Variants in USH2A observed in about 807,000 individuals in gnomAD.
The protein encoded by USH2A is usherin.
Under a neutral mutation model 538.9 loss-of-function variants are expected in USH2A, and 443 were observed. The observed-to-expected ratio is 0.82, with a 90% CI of 0.76 to 0.89. USH2A has a LOEUF of 0.89. USH2A is among the 40% of genes least tolerant of loss of function. The probability of loss-of-function intolerance (pLI) is 0.00; values close to 1 mark genes in which losing one functional copy is unlikely to be tolerated. For synonymous variants in USH2A, 2,413 were observed against 2,273.5 expected (o/e 1.06, Z -1.75); for missense variants, 6,633 against 6,324.8 (o/e 1.05, Z -1.65).
chr1:215,865,565 G>C lies in USH2A; in HGVS notation c.8845+1442C>G, dbSNP rs147454541. ...ATCAGTTAGTGAGGTGGAGTAGAGA[G>C]CAAGAGGGAGATGAATGGAAATATG... On this transcript the variant is annotated intron_variant, in intron 44 of 71. Coordinates refer to ENST00000307340, the MANE Select transcript of USH2A (RefSeq NM_206933.4). 2.9e-3 allele frequency among the ~76,000 whole-genome samples: 434 copies of C among 152,270 alleles called. 3 individuals are homozygous for C. The highest frequency in any genetic ancestry group is 9.9e-3 in the African/African-American group (411 of 41,558).
chr1:215,947,102 TG>T (rs1376843769), intron 37 of USH2A, among the ~76,000 whole-genome samples: 1 of 151,798 alleles, frequency 6.6e-6, no homozygotes, highest in African/African-American at 2.4e-5. Flanking sequence ...AGTGCAGTGG[TG>T]TGATCTTGGC....
chr1:216,407,311 T>G (rs1439119235), intron 3 of USH2A, among the ~76,000 whole-genome samples: 1 of 152,174 alleles, frequency 6.6e-6, no homozygotes, highest in East Asian at 1.9e-4. Flanking sequence ...TATATATACA[T>G]ATTTGTAAAT....
chr1:215,959,933 G>T (rs17025758), intron 37 of USH2A, among the ~76,000 whole-genome samples: 1 of 151,958 alleles, frequency 6.6e-6, no homozygotes, highest in Non-Finnish European at 1.5e-5. Flanking sequence ...GGATAATGAA[G>T]AATTAAACAA....
intron 47 of USH2A, among the ~76,000 whole-genome samples, chr1:215,823,648 C>T (rs900765478): frequency 2.6e-5 from 4 of 151,904 alleles, no homozygotes; most frequent in African/African-American, 7.2e-5. Context: ...TCTTGTTTAC[C>T]TTCCTCTTGA....
At chr1:216,241,756 A>C (rs1572083583) in intron 13 of USH2A, among the ~76,000 whole-genome samples, 1 of 150,546 alleles carries the variant, frequency 6.6e-6, no homozygotes, top group African/African-American at 2.4e-5. Flanking sequence ...CTGGTCTCAA[A>C]CTCTTGACCT....
At chr1:215,810,074 T>C (rs1056002075) in intron 49 of USH2A, among the ~76,000 whole-genome samples, 8 of 152,154 alleles carry the variant, frequency 5.3e-5, no homozygotes, top group Non-Finnish European at 1.2e-4. Context: ...ATTGCTTTTT[T>C]CCTTTTTTCT....
intron 69 of USH2A, among the ~76,000 whole-genome samples, chr1:215,637,888 A>G (rs550644741): frequency 6.6e-6 from 1 of 152,328 alleles, no homozygotes; most frequent in East Asian, 1.9e-4. Flanking sequence ...AATTTAAAAT[A>G]GGATATCAAT....
chr1:215,888,388 C>T (rs1375881432), intron 41 of USH2A, 38 bp downstream of exon 41: 1 of 1,610,568 alleles, frequency 6.2e-7, no homozygotes, highest in South Asian at 1.1e-5. Flanking sequence ...GGGTACATTC[C>T]TAAGTCTGCA....
intron 4 of USH2A, among the ~76,000 whole-genome samples, chr1:216,350,224 C>T (rs908631711): frequency 1.4e-4 from 22 of 152,108 alleles, no homozygotes; most frequent in Admixed American, 2.6e-4. Context: ...ATCACCTCCA[C>T]CCTGGGGATT....
chr1:216,190,314 T>C lies in USH2A; in HGVS notation c.4305A>G (p.Lys1435=), dbSNP rs764720417. The change falls in exon 20 of 72, where the codon AAA becomes AAG. Residue 1435 remains lysine, a synonymous_variant. Transcript: ENST00000307340. ...TAGTAAACTCATATATCCTATAAGG[T>C]TTCAGTCCTTCTACAGTGTAAGATA... ...QELSYTVEGL[K]PYRIYEFTIT... is the part of the protein sequence containing the mutation. 3.7e-6 allele frequency: 6 copies of C among 1,612,114 alleles called. No homozygotes were observed. Among genetic ancestry groups the C allele is most frequent in the Non-Finnish European group, 5.1e-6 (6 of 1,178,984 alleles).
chr1:216,407,753 A>G (rs2039419883), intron 3 of USH2A, among the ~76,000 whole-genome samples: 1 of 152,158 alleles, frequency 6.6e-6, no homozygotes, highest in South Asian at 2.1e-4. Context: ...ACTATCCACA[A>G]AAAAAGCAAA....
At chr1:216,250,783 T>C (rs894276582) in intron 12 of USH2A, 120 bp downstream of exon 12, 9 of 1,078,994 alleles carry the variant, frequency 8.3e-6, no homozygotes, top group Admixed American at 2.0e-5. Context: ...CAAATTGTTT[T>C]TTTTTCCAGC....
chr1:216,169,442 G>T (rs1219590717), intron 21 of USH2A, among the ~76,000 whole-genome samples: 1 of 152,100 alleles, frequency 6.6e-6, no homozygotes, highest in Admixed American at 6.6e-5. Flanking sequence ...TGTAGTTGAT[G>T]AATGGGGAAA....
At chr1:216,038,869 T>C (rs2030126243) in intron 32 of USH2A, among the ~76,000 whole-genome samples, 1 of 152,076 alleles carries the variant, frequency 6.6e-6, no homozygotes, top group Admixed American at 6.6e-5. Context: ...TTTAACTCCA[T>C]TGCTTTTCTA....
At chr1:216,159,617 T>A (rs2102627583) in intron 21 of USH2A, among the ~76,000 whole-genome samples, 1 of 152,056 alleles carries the variant, frequency 6.6e-6, no homozygotes, top group East Asian at 1.9e-4. Context: ...GACCTGTGTT[T>A]TCCTTTATGT....
At chr1:216,352,484 C>T (rs1378653560) in intron 4 of USH2A, among the ~76,000 whole-genome samples, 1 of 152,064 alleles carries the variant, frequency 6.6e-6, no homozygotes, top group African/African-American at 2.4e-5. Flanking sequence ...AGCTTAAGTG[C>T]AGTGGTGAGC....
At chr1:216,066,219 C>T (rs1482013764) in intron 30 of USH2A, among the ~76,000 whole-genome samples, 1 of 151,910 alleles carries the variant, frequency 6.6e-6, no homozygotes, top group Non-Finnish European at 1.5e-5. Flanking sequence ...GCCTGTAATC[C>T]CAGCACTTTG....
At chr1:215,872,432 G>A (rs929485539) in intron 43 of USH2A, among the ~76,000 whole-genome samples, 2 of 152,128 alleles carry the variant, frequency 1.3e-5, no homozygotes, top group African/African-American at 4.8e-5. Context: ...AAGCTGTTAT[G>A]TTTCTGTTGC....
chr1:215,917,288 T>C (rs541280093), intron 38 of USH2A, among the ~76,000 whole-genome samples: 130 of 152,252 alleles, frequency 8.5e-4, no homozygotes, highest in Non-Finnish European at 1.7e-3. Context: ...GCATTCCTAT[T>C]ATTTTGAATA....
Sources: gnomAD v4.1 joint callset for allele counts (sites outside exome capture counted in the v4.1 genomes callset) on GRCh38, gnomAD v4.1.1 for gene constraint, MANE v1.5 for transcripts, NCBI Gene and HGNC (gene_info 2026-07-23, HGNC 2026-07-21) for gene names.